Variants in INPP5B observed in about 807,000 individuals in gnomAD.
The protein encoded by INPP5B is inositol polyphosphate-5-phosphatase B.
INPP5B carries 90 observed loss-of-function variants against 118.5 expected under a neutral mutation model. The observed-to-expected ratio is 0.76, with a 90% confidence interval of 0.64 to 0.90. INPP5B has a LOEUF of 0.90. INPP5B is among the 40% of genes least tolerant of loss of function. The pLI, the probability that INPP5B is intolerant of heterozygous loss-of-function variation, is 0.00. For missense variants in INPP5B, 984 were observed against 1,125.6 expected (o/e 0.87, Z 1.80); for synonymous variants, 385 against 418.9 (o/e 0.92, Z 0.99).
Position 37,927,539 on chromosome 1 carries a change from C to CT in INPP5B, c.532+4373dup, listed in dbSNP as rs755352733. On this transcript the variant is annotated intron_variant, in intron 7 of 23. Transcript: ENST00000373024. ...CTCCATTTCATTTTTCTTTTTCTTT[C>CT]TTTTTTTTTTTTTTTGAGACAGAGT... 9.4e-3 allele frequency among the ~76,000 whole-genome samples: 1,337 copies of CT among 142,414 alleles called. 22 individuals carry two copies. Among genetic ancestry groups the CT allele is most frequent in the African/African-American group, 0.028 (1,075 of 38,990 alleles). 93.4% of individuals were successfully genotyped at this position (142,414 alleles called of 152,430 possible). A position where few individuals can be genotyped will look rare whatever the true frequency, so the allele number is the denominator to read the frequency against.
At position 37,890,115 on chromosome 1, in the gene INPP5B, C is replaced by T. The variant is rs192169422; in HGVS notation, c.630-391G>A. 8.5e-5 allele frequency among the ~76,000 whole-genome samples: 13 copies of T among 152,288 alleles called. No individual in the cohort carries two copies. In the East Asian group the frequency reaches 2.5e-3, roughly 29 times the overall value. ...ACAAGCCGGGCATGGTGACTCATGCCTGTAATCCCAGCACTTTGGAAGGCC... is the reference window on the plus strand; with the variant it reads ...ACAAGCCGGGCATGGTGACTCATGCTTGTAATCCCAGCACTTTGGAAGGCC... On this transcript the variant is annotated intron_variant, in intron 8 of 23. Coordinates refer to ENST00000373024, the MANE Select transcript of INPP5B (RefSeq NM_005540.3).
chr1:37,872,841 G>T, intron 19 of INPP5B, 89 bp downstream of exon 19: 1 of 943,816 alleles, frequency 1.1e-6, no homozygotes, highest in Non-Finnish European at 1.6e-6. Flanking sequence ...GAGTTTCTAA[G>T]TCCCTAGGAA....
Position 37,922,851 on chromosome 1 carries a change from A to G in INPP5B, c.532+9062T>C, listed in dbSNP as rs1400384155. On this transcript the variant is annotated intron_variant, in intron 7 of 23. Coordinates refer to ENST00000373024, the MANE Select transcript of INPP5B (RefSeq NM_005540.3). ...GGCAAGGACTAAATATGACCAGTTT[A>G]GCTTTCAAGGAGGAAGACTACAGTG... Among the ~76,000 whole-genome samples, 3 of 152,262 alleles carry G rather than the reference A, an allele frequency of 2.0e-5. No homozygotes were observed. The East Asian group carries it at 5.8e-4, about 29-fold the overall frequency.
Position 37,915,791 on chromosome 1 carries a change from T to A in INPP5B, c.532+16122A>T, listed in dbSNP as rs1008593611. Among the ~76,000 whole-genome samples the A allele has an allele frequency of 7.9e-5, 12 of 152,366 alleles. No homozygotes were observed. In the East Asian group the frequency reaches 2.3e-3, roughly 29 times the overall value. The stretch of plus-strand genomic sequence containing the variant: ...ATAGTTAGCTATAATAACATGTTTT[T>A]TGTGTTTTATATACATACACAGGCT... On this transcript the variant is annotated intron_variant, in intron 7 of 23. Transcript: ENST00000373024.
At chr1:37,931,666 G>T in intron 7 of INPP5B, 1 of 1,520,346 alleles carries the variant, frequency 6.6e-7, no homozygotes. Context: ...CCCGCCGCCC[G>T]CCGAACCTGC....
At chr1:37,940,958 T>G (rs889032591) in intron 5 of INPP5B, among the ~76,000 whole-genome samples, 160 bp from the exon 6 acceptor site, 3 of 152,046 alleles carry the variant, frequency 2.0e-5, no homozygotes, top group Admixed American at 1.3e-4. Flanking sequence ...AAGGAAACCC[T>G]CTGTACCCTG....
At chr1:37,902,022 T>C (rs916472312) in intron 7 of INPP5B, among the ~76,000 whole-genome samples, 1 of 151,716 alleles carries the variant, frequency 6.6e-6, no homozygotes, top group Non-Finnish European at 1.5e-5. Context: ...AGTCTTACTC[T>C]GTTGCCCAGG....
chr1:37,896,384 C>T (rs1364968901), intron 7 of INPP5B, among the ~76,000 whole-genome samples: 4 of 144,754 alleles, frequency 2.8e-5, no homozygotes, highest in Admixed American at 6.9e-5. Flanking sequence ...AAGTGAGGAG[C>T]GTCTCCGCCC....
At chr1:37,897,122 C>A (rs575163653) in intron 7 of INPP5B, among the ~76,000 whole-genome samples, 26 of 150,948 alleles carry the variant, frequency 1.7e-4, no homozygotes, top group Admixed American at 5.9e-4. Context: ...GGGGGTCAGA[C>A]CCCCGTCCGG....
chr1:37,865,082 G>A (rs1195957402), intron 22 of INPP5B, among the ~76,000 whole-genome samples: 1 of 152,020 alleles, frequency 6.6e-6, no homozygotes, highest in African/African-American at 2.4e-5. Flanking sequence ...AGCTACTCAG[G>A]AGGCTGGGGC....
At chr1:37,929,460 G>T (rs1645365222) in intron 7 of INPP5B, 1 of 151,998 alleles carries the variant, frequency 6.6e-6, no homozygotes, top group Non-Finnish European at 1.5e-5. Flanking sequence ...GGGTTCTCTA[G>T]GCTATCAAAA....
chr1:37,890,504 C>T lies in INPP5B; in HGVS notation c.630-780G>A, dbSNP rs72661868. Among the ~76,000 whole-genome samples the T allele has an allele frequency of 2.9e-4, 44 of 152,180 alleles. 1 individual carries two copies. The South Asian group carries it at 6.8e-3, about 24-fold the overall frequency. ...ATTTGCATTGTACTGTATTTATAGT[C>T]GTAACTAAAATACTGATACAAGTAA... is the stretch of plus-strand genomic sequence containing the variant. On this transcript the variant is annotated intron_variant, in intron 8 of 23. Transcript: ENST00000373024.
At chr1:37,866,406 T>TCTCTCTCTCACA (rs748938943) in intron 21 of INPP5B, 53 bp downstream of exon 21, 104 of 404,402 alleles carry the variant, frequency 2.6e-4, no homozygotes, top group Middle Eastern at 8.6e-4. Flanking sequence ...TCTCTCTCTC[T>TCTCTCTCTCACA]CACACACACA....
At chr1:37,885,468 G>A (rs1643474338) in intron 13 of INPP5B, 170 bp downstream of exon 13, 1 of 544,176 alleles carries the variant, frequency 1.8e-6, no homozygotes, top group Admixed American at 3.2e-5. Flanking sequence ...CAGATAGCAA[G>A]TTAGGAAACT....
At chr1:37,922,540 C>T (rs1050171710) in intron 7 of INPP5B, among the ~76,000 whole-genome samples, 1 of 149,306 alleles carries the variant, frequency 6.7e-6, no homozygotes, top group Non-Finnish European at 1.5e-5. Flanking sequence ...CTAAAAAATA[C>T]AAAAAACTAG....
intron 7 of INPP5B, chr1:37,931,658 C>T: frequency 6.6e-7 from 1 of 1,521,828 alleles, no homozygotes; most frequent in South Asian, 1.2e-5. Flanking sequence ...CCCAGCTTCC[C>T]GCCGCCCGCC....
At chr1:37,881,373 C>T (rs967731292) in intron 14 of INPP5B, among the ~76,000 whole-genome samples, 4 of 152,132 alleles carry the variant, frequency 2.6e-5, no homozygotes, top group Admixed American at 6.5e-5. Flanking sequence ...ATTTTAGGAG[C>T]GCCTTCCAGA....
intron 6 of INPP5B, among the ~76,000 whole-genome samples, chr1:37,940,462 A>C (rs1200090705): frequency 1.3e-5 from 2 of 152,150 alleles, no homozygotes; most frequent in Non-Finnish European, 2.9e-5. Context: ...GAGCCAGGAG[A>C]GCAAAGGGGC....
At chr1:37,943,331 G>A (rs1286742728) in intron 5 of INPP5B, among the ~76,000 whole-genome samples, 1 of 152,122 alleles carries the variant, frequency 6.6e-6, no homozygotes, top group African/African-American at 2.4e-5. Context: ...GAAGAGAAAT[G>A]CATGAATGGA....
Sources: gnomAD v4.1 joint callset for allele counts (sites outside exome capture counted in the v4.1 genomes callset) on GRCh38, gnomAD v4.1.1 for gene constraint, MANE v1.5 for transcripts, NCBI Gene and HGNC (gene_info 2026-07-23, HGNC 2026-07-21) for gene names.